Variants in SLC35F1 observed in about 807,000 individuals in gnomAD.
The protein encoded by SLC35F1 is chromosome 6 open reading frame 169.
Under a neutral mutation model 48.7 loss-of-function variants are expected in SLC35F1, and 14 were observed. That is an observed-to-expected ratio of 0.29 (90% CI 0.19 to 0.45). The LOEUF (loss-of-function observed/expected upper bound fraction) is 0.45. SLC35F1 is among the 20% of genes least tolerant of loss of function. The pLI is 1.00. For synonymous variants in SLC35F1, 190 were observed against 202.2 expected (o/e 0.94, Z 0.51); for missense variants, 404 against 500.0 (o/e 0.81, Z 1.83).
chr6:118,103,701 C>T (rs939344255), intron 1 of SLC35F1, among the ~76,000 whole-genome samples: 2 of 152,238 alleles, frequency 1.3e-5, no homozygotes, highest in African/African-American at 4.8e-5. Context: ...TTTTCTTCCC[C>T]CTTGCAGGAA....
chr6:118,029,227 A>G (rs1009765394), intron 1 of SLC35F1, among the ~76,000 whole-genome samples: 2 of 152,152 alleles, frequency 1.3e-5, no homozygotes, highest in Admixed American at 1.3e-4. Flanking sequence ...AGAAAAAGTC[A>G]TTGGTGATCT....
At chr6:118,043,223 C>G (rs1461073266) in intron 1 of SLC35F1, among the ~76,000 whole-genome samples, 2 of 152,108 alleles carry the variant, frequency 1.3e-5, no homozygotes, top group Non-Finnish European at 2.9e-5. Flanking sequence ...ATAAAAATCA[C>G]TTTAACATTG....
chr6:118,130,120 G>A (rs1773688350), intron 1 of SLC35F1, among the ~76,000 whole-genome samples: 1 of 152,214 alleles, frequency 6.6e-6, no homozygotes. Context: ...TTGAAGCCTT[G>A]GGCAAAGTAT....
intron 1 of SLC35F1, among the ~76,000 whole-genome samples, chr6:117,999,813 A>G (rs1777063324): frequency 6.6e-6 from 1 of 151,928 alleles, no homozygotes; most frequent in Non-Finnish European, 1.5e-5. Context: ...AGAGAATACT[A>G]CAAACACCTC....
At chr6:118,173,807 C>G (rs1774446807) in intron 2 of SLC35F1, among the ~76,000 whole-genome samples, 1 of 152,096 alleles carries the variant, frequency 6.6e-6, no homozygotes, top group Non-Finnish European at 1.5e-5. Flanking sequence ...TGGTACAGGA[C>G]TGGAGAGCAA....
chr6:118,179,044 G>A (rs1774534099), intron 2 of SLC35F1, among the ~76,000 whole-genome samples: 1 of 152,058 alleles, frequency 6.6e-6, no homozygotes, highest in Admixed American at 6.6e-5. Flanking sequence ...TTAAATCTAT[G>A]TATACCCCTT....
chr6:117,944,137 G>T (rs1018991181), intron 1 of SLC35F1, among the ~76,000 whole-genome samples: 12 of 152,118 alleles, frequency 7.9e-5, no homozygotes, highest in African/African-American at 2.9e-4. Context: ...TGATACTCTT[G>T]TTGTCCTATA....
chr6:118,036,841 G>GT (rs942295384), intron 1 of SLC35F1, among the ~76,000 whole-genome samples: 1 of 152,176 alleles, frequency 6.6e-6, no homozygotes, highest in African/African-American at 2.4e-5. Flanking sequence ...GATTACAGGT[G>GT]TAAGCCACCA....
At chr6:118,080,651 G>A (rs1281916149) in intron 1 of SLC35F1, among the ~76,000 whole-genome samples, 1 of 152,216 alleles carries the variant, frequency 6.6e-6, no homozygotes, top group Non-Finnish European at 1.5e-5. Context: ...GGAATAAAAT[G>A]AAAGTGCTTG....
Position 118,286,040 on chromosome 6 carries a change from C to G in SLC35F1, c.1002+702C>G, listed in dbSNP as rs114879262. Among the ~76,000 whole-genome samples the G allele has an allele frequency of 4.8e-3, 738 of 152,308 alleles. 6 individuals carry two copies. Among genetic ancestry groups the G allele is most frequent in the African/African-American group, 0.016 (680 of 41,560 alleles). Reference sequence around the variant, plus strand: ...CCTACTCCTCTTAACACCACACTCACTGCTGCCAATAACAATCAATTAGAA... The same window carrying G: ...CCTACTCCTCTTAACACCACACTCAGTGCTGCCAATAACAATCAATTAGAA... On this transcript the variant is annotated intron_variant, in intron 7 of 7. Coordinates refer to ENST00000360388, the MANE Select transcript of SLC35F1 (RefSeq NM_001029858.4).
intron 1 of SLC35F1, among the ~76,000 whole-genome samples, chr6:118,023,818 ACTT>A: frequency 6.6e-6 from 1 of 152,304 alleles, no homozygotes; most frequent in South Asian, 2.1e-4. Context: ...CTGAATGCCG[ACTT>A]CTTTGTGCTG....
rs576783617 is a variant in SLC35F1 at position 118,035,842 on chromosome 6, A to T, written c.174-118603A>T. Reference sequence around the variant, plus strand: ...TAGCTGGGACTACAGGCGCCCCCCCAACCACGCCCGGCTAATTTTTTTGTA... The same window carrying T: ...TAGCTGGGACTACAGGCGCCCCCCCTACCACGCCCGGCTAATTTTTTTGTA... On this transcript the variant is annotated intron_variant, in intron 1 of 7. Coordinates refer to ENST00000360388, the MANE Select transcript of SLC35F1 (RefSeq NM_001029858.4). 4.5e-5 allele frequency among the ~76,000 whole-genome samples: 3 copies of T among 66,036 alleles called. No homozygotes were observed. The East Asian group carries it at 2.1e-3, about 47-fold the overall frequency. The allele number at this position is 66,036 out of a possible 152,430, so 43.3% of individuals were successfully genotyped here.
rs1294865798 is a variant in SLC35F1, at chr6:117,923,676, T to TAC, written c.173+15779_173+15780dup. On this transcript the variant is annotated intron_variant, in intron 1 of 7. Transcript: ENST00000360388. ...GTACATATGTATATATACATATATG[T>TAC]ACATATATACATATGTACATATACA... Among the ~76,000 whole-genome samples, 251 of 45,972 alleles carry TAC rather than the reference T, an allele frequency of 5.5e-3. 70 individuals are homozygous for TAC. Among genetic ancestry groups the TAC allele is most frequent in the Middle Eastern group, 0.023 (1 of 44 alleles). 30.2% of individuals were successfully genotyped at this position (45,972 alleles called of 152,430 possible). A position where few individuals can be genotyped will look rare whatever the true frequency, so the allele number is the denominator to read the frequency against.
chr6:118,132,245 G>A (rs904796482), intron 1 of SLC35F1, among the ~76,000 whole-genome samples: 5 of 152,154 alleles, frequency 3.3e-5, no homozygotes, highest in Non-Finnish European at 5.9e-5. Context: ...CTTAGTGAGG[G>A]CAAAATATAT....
At chr6:117,916,958 C>A (rs1775834636) in intron 1 of SLC35F1, among the ~76,000 whole-genome samples, 1 of 152,198 alleles carries the variant, frequency 6.6e-6, no homozygotes, top group Admixed American at 6.5e-5. Context: ...CCTCCACTCT[C>A]ATGGAGACTA....
intron 1 of SLC35F1, among the ~76,000 whole-genome samples, chr6:118,103,995 T>C (rs1773295048): frequency 6.6e-6 from 1 of 152,166 alleles, no homozygotes; most frequent in Non-Finnish European, 1.5e-5. Context: ...AAATGCTTCA[T>C]ATTCCTTCAC....
intron 4 of SLC35F1, among the ~76,000 whole-genome samples, chr6:118,272,763 A>ATATATATATATG (rs1446783015): frequency 3.8e-5 from 4 of 106,312 alleles, no homozygotes; most frequent in African/African-American, 1.3e-4. Flanking sequence ...ATATATATAT[A>ATATATATATATG]TGTATATATA....
intron 1 of SLC35F1, among the ~76,000 whole-genome samples, chr6:117,995,562 G>C (rs1776974138): frequency 6.6e-6 from 1 of 152,114 alleles, no homozygotes; most frequent in Non-Finnish European, 1.5e-5. Flanking sequence ...CCAACATGGT[G>C]AAACCCCGTC....
chr6:118,135,885 C>G (rs1278135365), intron 1 of SLC35F1, among the ~76,000 whole-genome samples: 11 of 149,562 alleles, frequency 7.4e-5, no homozygotes, highest in African/African-American at 2.8e-4. Flanking sequence ...CTGGTGTCTT[C>G]CATCAGGTCC....
Sources: allele counts gnomAD v4.1 joint callset (sites outside exome capture counted in the v4.1 genomes callset), GRCh38; gene constraint gnomAD v4.1.1; transcripts MANE v1.5; gene names NCBI Gene and HGNC (gene_info 2026-07-23, HGNC 2026-07-21).